DAB1: variants seen among roughly 807,000 people sequenced by gnomAD.
DAB1 encodes DAB adaptor protein 1, also known as disabled homolog 1.
DAB1 carries 15 observed loss-of-function variants against 64.6 expected under a neutral mutation model. The observed-to-expected ratio is 0.23, with a 90% CI of 0.16 to 0.36. DAB1 has a LOEUF of 0.36. Ranked by LOEUF, DAB1 falls within the 10% of genes least tolerant of loss-of-function variation. The pLI, the probability that DAB1 is intolerant of heterozygous loss-of-function variation, is 1.00. For synonymous variants in DAB1, 235 were observed against 251.9 expected (o/e 0.93, Z 0.64); for missense variants, 596 against 706.7 (o/e 0.84, Z 1.78).
At chr1:58,207,621 C>T (rs1658348116) in intron 4 of DAB1, among the ~76,000 whole-genome samples, 1 of 152,230 alleles carries the variant, frequency 6.6e-6, no homozygotes, top group Non-Finnish European at 1.5e-5. Context: ...GGAAGCCCCA[C>T]ATTCGAGAAA....
At chr1:57,402,896 T>C (rs1463838436) in intron 1 of DAB1, among the ~76,000 whole-genome samples, 3 of 152,104 alleles carry the variant, frequency 2.0e-5, no homozygotes, top group South Asian at 2.1e-4. Flanking sequence ...GTGAATTAGA[T>C]TGAATTCACA....
intron 1 of DAB1, among the ~76,000 whole-genome samples, chr1:57,367,122 T>TAAAATAAAATAAAAAAAAA (rs1570382070): frequency 8.1e-6 from 1 of 123,228 alleles, no homozygotes; most frequent in Middle Eastern, 4.0e-3. Flanking sequence ...ATAAAATAAA[T>TAAAATAAAATAAAAAAAAA]AAATTAGCCA....
At chr1:57,167,566 C>A (rs1388225731) in intron 2 of DAB1, among the ~76,000 whole-genome samples, 1 of 152,188 alleles carries the variant, frequency 6.6e-6, no homozygotes, top group Non-Finnish European at 1.5e-5. Context: ...ATATTTACCT[C>A]CAGCTCCTTT....
At chr1:57,502,436 T>C (rs959666635) in intron 7 of DAB1, among the ~76,000 whole-genome samples, 2 of 152,152 alleles carry the variant, frequency 1.3e-5, no homozygotes, top group Non-Finnish European at 2.9e-5. Context: ...AATATGTTGA[T>C]GTTAGGCATA....
intron 6 of DAB1, among the ~76,000 whole-genome samples, chr1:57,790,315 C>T (rs1357935147): frequency 6.6e-6 from 1 of 152,112 alleles, no homozygotes; most frequent in Non-Finnish European, 1.5e-5. Flanking sequence ...GGGCTTTCCC[C>T]GTGCCTTTGC....
intron 5 of DAB1, among the ~76,000 whole-genome samples, chr1:58,005,522 A>G (rs1646568523): frequency 6.6e-6 from 1 of 151,858 alleles, no homozygotes; most frequent in Admixed American, 6.6e-5. Flanking sequence ...GAATCAGTAA[A>G]CATGCTATAT....
In DAB1 at chr1:57,010,690, G is replaced by A. The variant is rs769244253; in HGVS notation, c.*5C>T. On this transcript the variant is annotated 3_prime_UTR_variant, in exon 14 of 15. Transcript: ENST00000371236. ...AGGACAGATACCTACCCAGACCTGC[G>A]CTATCTAGCTACCGGCCTGTGGACT... 5.2e-6 allele frequency: 8 copies of A among 1,546,476 alleles called. No individual in the cohort carries two copies. The highest frequency in any genetic ancestry group is 4.1e-5 in the African/African-American group (3 of 72,442).
At chr1:58,139,177 T>C (rs537658797) in intron 5 of DAB1, among the ~76,000 whole-genome samples, 2 of 152,218 alleles carry the variant, frequency 1.3e-5, no homozygotes, top group East Asian at 3.9e-4. Context: ...ACCTTCAGAT[T>C]CTTCCGTCAA....
chr1:57,707,365 T>TC (rs1311622877), intron 6 of DAB1, among the ~76,000 whole-genome samples: 1 of 151,976 alleles, frequency 6.6e-6, no homozygotes, highest in Non-Finnish European at 1.5e-5. Flanking sequence ...TTTTTTTTTT[T>TC]TTTTGCTGTG....
At chr1:58,474,228 C>T (rs1645396482) in intron 3 of DAB1, among the ~76,000 whole-genome samples, 1 of 152,144 alleles carries the variant, frequency 6.6e-6, no homozygotes, top group Non-Finnish European at 1.5e-5. Context: ...CCACAACATA[C>T]AGGTGAGGAT....
At chr1:57,629,007 A>T (rs2101625722) in intron 7 of DAB1, among the ~76,000 whole-genome samples, 1 of 152,318 alleles carries the variant, frequency 6.6e-6, no homozygotes, top group Non-Finnish European at 1.5e-5. Context: ...TCTCTTCATT[A>T]GTCTCCTTAG....
chr1:58,101,870 A>G (rs1026564339), intron 5 of DAB1, among the ~76,000 whole-genome samples: 3 of 152,136 alleles, frequency 2.0e-5, no homozygotes, highest in African/African-American at 7.2e-5. Context: ...CTCCCTCTCC[A>G]CACCACAGTG....
chr1:58,497,336 G>A (rs1432594499), intron 3 of DAB1, among the ~76,000 whole-genome samples: 1 of 152,128 alleles, frequency 6.6e-6, no homozygotes, highest in African/African-American at 2.4e-5. Flanking sequence ...CAGGCCAACT[G>A]TAACACTGCT....
At chr1:57,662,963 T>A (rs1476882774) in intron 6 of DAB1, among the ~76,000 whole-genome samples, 1 of 152,210 alleles carries the variant, frequency 6.6e-6, no homozygotes, top group African/African-American at 2.4e-5. Flanking sequence ...CACCTAAGCA[T>A]TTGAAGAAAA....
chr1:57,251,399 C>T (rs1270063741), intron 2 of DAB1, among the ~76,000 whole-genome samples: 1 of 152,180 alleles, frequency 6.6e-6, no homozygotes, highest in Non-Finnish European at 1.5e-5. Context: ...TGAGGATGTA[C>T]ACCGTTTCAT....
chr1:58,520,533 C>A, intron 2 of DAB1, among the ~76,000 whole-genome samples: 1 of 151,932 alleles, frequency 6.6e-6, no homozygotes, highest in East Asian at 1.9e-4. Context: ...TAACTTTTCC[C>A]CAAAAAAGGG....
chr1:57,704,425 T>C (rs1646941774), intron 6 of DAB1, among the ~76,000 whole-genome samples: 1 of 152,174 alleles, frequency 6.6e-6, no homozygotes, highest in African/African-American at 2.4e-5. Flanking sequence ...ATGCAAATTA[T>C]AGCACCAATT....
intron 1 of DAB1, among the ~76,000 whole-genome samples, chr1:57,313,189 G>T (rs946519851): frequency 6.6e-6 from 1 of 152,082 alleles, no homozygotes; most frequent in Non-Finnish European, 1.5e-5. Context: ...TGAGAATGAG[G>T]CCTCAAGGTA....
chr1:57,510,616 C>T (rs1279199893), intron 7 of DAB1, among the ~76,000 whole-genome samples: 1 of 152,088 alleles, frequency 6.6e-6, no homozygotes, highest in Non-Finnish European at 1.5e-5. Flanking sequence ...CCCACCCACA[C>T]CAGTTCCTCT....
Sources: gnomAD v4.1 joint callset for allele counts (sites outside exome capture counted in the v4.1 genomes callset) on GRCh38, gnomAD v4.1.1 for gene constraint, MANE v1.5 for transcripts, NCBI Gene and HGNC (gene_info 2026-07-23, HGNC 2026-07-21) for gene names.